The following GSG1L variants were observed in gnomAD, a reference collection of about 807,000 sequenced individuals.
The protein encoded by GSG1L is germ cell-specific gene 1-like protein.
In GSG1L, 24 loss-of-function variants were observed where a neutral mutation model predicts 42.1. The observed-to-expected ratio is 0.57, with a 90% CI of 0.41 to 0.80. The LOEUF (loss-of-function observed/expected upper bound fraction) is 0.80, where lower values mean the gene tolerates loss of function less well. GSG1L is among the 30% of genes least tolerant of loss of function. The pLI is 0.00. For synonymous variants in GSG1L, 215 were observed against 203.5 expected, an observed-to-expected ratio of 1.06 and a Z score of -0.48; for missense variants, 445 against 472.2, an observed-to-expected ratio of 0.94 and a Z score of 0.53.
intron 6 of GSG1L, among the ~76,000 whole-genome samples, chr16:27,792,795 T>A (rs139490803): frequency 4.3e-4 from 65 of 152,002 alleles, no homozygotes; most frequent in Middle Eastern, 3.4e-3. Context: ...AGAGGGTTGG[T>A]GTGGTGGAGT....
At chr16:27,857,915 A>T (rs892936218) in intron 3 of GSG1L, among the ~76,000 whole-genome samples, 3 of 151,754 alleles carry the variant, frequency 2.0e-5, no homozygotes, top group East Asian at 2.0e-4. Context: ...ATCGGCAGAG[A>T]CACCTGTGAC....
intron 1 of GSG1L, among the ~76,000 whole-genome samples, chr16:27,984,073 C>T (rs772736956): frequency 3.9e-5 from 6 of 152,156 alleles, no homozygotes; most frequent in Admixed American, 6.6e-5. Context: ...TGACCAGCTA[C>T]GCATGGTTTT....
At chr16:27,943,493 C>T (rs185634624) in intron 2 of GSG1L, among the ~76,000 whole-genome samples, 59 of 150,104 alleles carry the variant, frequency 3.9e-4, no homozygotes, top group Admixed American at 2.5e-3. Flanking sequence ...GCAAAAAATT[C>T]GAAAACAAAT....
At chr16:27,965,350 A>T (rs1015524214) in intron 1 of GSG1L, among the ~76,000 whole-genome samples, 7 of 152,142 alleles carry the variant, frequency 4.6e-5, no homozygotes, top group South Asian at 2.1e-4. Context: ...TAATTTAATT[A>T]AATTTTTAAG....
intron 3 of GSG1L, among the ~76,000 whole-genome samples, chr16:27,860,752 C>T (rs957261557): frequency 3.9e-5 from 6 of 152,226 alleles, no homozygotes; most frequent in African/African-American, 1.4e-4. Context: ...TCCAGGGAGA[C>T]AGCAGCAGCT....
At chr16:27,916,550 T>C (rs892454802) in intron 2 of GSG1L, among the ~76,000 whole-genome samples, 25 of 150,302 alleles carry the variant, frequency 1.7e-4, no homozygotes, top group African/African-American at 5.4e-4. Context: ...CTCAGACTCC[T>C]GGCCTCAAAT....
intron 6 of GSG1L, among the ~76,000 whole-genome samples, chr16:27,798,786 C>T (rs1463917908): frequency 6.6e-6 from 1 of 152,122 alleles, no homozygotes; most frequent in Non-Finnish European, 1.5e-5. Context: ...GTTGTGGTAC[C>T]ACTGCCTTGG....
At chr16:27,831,880 C>T (rs1192710167) in intron 4 of GSG1L, among the ~76,000 whole-genome samples, 1 of 152,224 alleles carries the variant, frequency 6.6e-6, no homozygotes, top group East Asian at 1.9e-4. Context: ...AAACTCAAAG[C>T]TCATTCCCAA....
rs558924590 is a variant in GSG1L, at chr16:27,986,500, C to T, written c.350-23297G>A. Among the ~76,000 whole-genome samples, 22 of 49,500 alleles carry T rather than the reference C, an allele frequency of 4.4e-4. 1 individual carries two copies. The South Asian group carries it at 0.016, about 36-fold the overall frequency. 32.5% of individuals were successfully genotyped at this position (49,500 alleles called of 152,430 possible). On this transcript the variant is annotated intron_variant, in intron 1 of 6. Coordinates refer to ENST00000447459, the MANE Select transcript of GSG1L (RefSeq NM_001109763.2). ...CAGCCTGAGCGACCGAGCGAGACTC[C>T]GCCTCAAAAAAAAAAAAAAAAAGAT...
intron 4 of GSG1L, among the ~76,000 whole-genome samples, chr16:27,829,528 C>A (rs911326429): frequency 6.6e-6 from 1 of 152,104 alleles, no homozygotes; most frequent in Non-Finnish European, 1.5e-5. Context: ...AGATGCCAAC[C>A]CTTTCTGTTT....
At chr16:27,909,958 T>TC (rs201768465) in intron 2 of GSG1L, among the ~76,000 whole-genome samples, 92 of 144,006 alleles carry the variant, frequency 6.4e-4, no homozygotes, top group South Asian at 3.8e-3. Flanking sequence ...TTTCTTTCTT[T>TC]TTTTTTTTTT....
intron 3 of GSG1L, among the ~76,000 whole-genome samples, chr16:27,868,080 T>C (rs2083754914): frequency 6.6e-6 from 1 of 152,130 alleles, no homozygotes; most frequent in African/African-American, 2.4e-5. Context: ...TAAAGCCCAA[T>C]TTCTACTTGG....
chr16:27,850,023 C>CATT (rs2083490529), intron 3 of GSG1L, among the ~76,000 whole-genome samples: 2 of 70,068 alleles, frequency 2.9e-5, no homozygotes, highest in South Asian at 1.2e-3. Context: ...TTTGAAATGC[C>CATT]TTTTTTTTTT....
intron 2 of GSG1L, among the ~76,000 whole-genome samples, chr16:27,938,480 A>C (rs1456632997): frequency 6.9e-6 from 1 of 145,302 alleles, no homozygotes; most frequent in South Asian, 2.3e-4. Flanking sequence ...ATTGAGACAA[A>C]TGTCCCTGGA....
intron 1 of GSG1L, among the ~76,000 whole-genome samples, chr16:28,039,618 A>G (rs1348812302): frequency 1.4e-5 from 2 of 142,010 alleles, no homozygotes; most frequent in Non-Finnish European, 3.1e-5. Flanking sequence ...CACACACACA[A>G]GCAGACATGT....
intron 4 of GSG1L, among the ~76,000 whole-genome samples, chr16:27,838,249 GATAAA>G (rs1434043443): frequency 1.3e-5 from 2 of 152,160 alleles, no homozygotes; most frequent in Admixed American, 1.3e-4. Flanking sequence ...GATAAACACA[GATAAA>G]ATAAAAACAG....
At chr16:28,043,086 G>A (rs560357964) in intron 1 of GSG1L, among the ~76,000 whole-genome samples, 2 of 152,212 alleles carry the variant, frequency 1.3e-5, no homozygotes, top group South Asian at 4.1e-4. Flanking sequence ...ATTTTGATAT[G>A]AGTCATGGAC....
At chr16:27,961,698 A>C (rs556858056) in intron 2 of GSG1L, among the ~76,000 whole-genome samples, 18 of 152,302 alleles carry the variant, frequency 1.2e-4, no homozygotes, top group Non-Finnish European at 1.9e-4. Flanking sequence ...CAGTGATCTC[A>C]ATTTGGAAGC....
chr16:27,989,949 G>A (rs1480181379), intron 1 of GSG1L, among the ~76,000 whole-genome samples: 2 of 152,126 alleles, frequency 1.3e-5, no homozygotes, highest in Non-Finnish European at 2.9e-5. Flanking sequence ...ACCCTAAAGT[G>A]TGGTGTCTTC....
Sources: gnomAD v4.1 joint callset for allele counts (sites outside exome capture counted in the v4.1 genomes callset) on GRCh38, gnomAD v4.1.1 for gene constraint, MANE v1.5 for transcripts, NCBI Gene and HGNC (gene_info 2026-07-23, HGNC 2026-07-21) for gene names.